The following ZNF609 variants were observed in gnomAD, a reference collection of about 807,000 sequenced individuals.
ZNF609 encodes the protein zinc finger protein 609.
ZNF609 carries 11 observed loss-of-function variants against 109.5 expected under a neutral mutation model. That is an observed-to-expected ratio of 0.10 (90% CI 0.06 to 0.17). ZNF609 has a LOEUF of 0.17. Ranked by LOEUF, ZNF609 falls within the 10% of genes least tolerant of loss-of-function variation. The pLI is 1.00. For missense variants in ZNF609, 1,559 were observed against 1,772.4 expected (o/e 0.88, Z 2.16); for synonymous variants, 646 against 662.0 (o/e 0.98, Z 0.37).
chr15:64,477,587 C>T (rs1893191393), intron 1 of ZNF609, among the ~76,000 whole-genome samples: 1 of 151,120 alleles, frequency 6.6e-6, no homozygotes, highest in Admixed American at 6.6e-5. Context: ...AAATGTATAC[C>T]TAATATGCAA....
intron 2 of ZNF609, among the ~76,000 whole-genome samples, chr15:64,515,631 A>C (rs1207297220): frequency 6.6e-6 from 1 of 151,870 alleles, no homozygotes; most frequent in Non-Finnish European, 1.5e-5. Flanking sequence ...CCATCTAATC[A>C]CCTCCTTAGA....
At chr15:64,483,705 C>T (rs974702244) in intron 1 of ZNF609, among the ~76,000 whole-genome samples, 1 of 152,128 alleles carries the variant, frequency 6.6e-6, no homozygotes, top group African/African-American at 2.4e-5. Flanking sequence ...TGTCTACTGA[C>T]AGCATTACAC....
intron 2 of ZNF609, among the ~76,000 whole-genome samples, chr15:64,546,448 T>C (rs1447946751): frequency 1.3e-5 from 2 of 151,310 alleles, no homozygotes; most frequent in African/African-American, 4.9e-5. Context: ...TTTTTTTTTT[T>C]TGGAGATGGT....
intron 2 of ZNF609, among the ~76,000 whole-genome samples, chr15:64,558,216 C>T (rs1049303810): frequency 6.6e-6 from 1 of 152,118 alleles, no homozygotes; most frequent in Non-Finnish European, 1.5e-5. Context: ...AATTGTAATA[C>T]GTACATTTCT....
rs576692344 is a variant in ZNF609, at chr15:64,630,163, C to T, written c.973+7111C>T. ...CCCGGGGTACAATGGCCTCCACCTACGGGGTTCAAGCGATTCTTCTGCCTC... is the reference window on the plus strand; with the variant it reads ...CCCGGGGTACAATGGCCTCCACCTATGGGGTTCAAGCGATTCTTCTGCCTC... On this transcript the variant is annotated intron_variant, in intron 3 of 9. Coordinates refer to ENST00000326648, the MANE Select transcript of ZNF609 (RefSeq NM_015042.2). Among the ~76,000 whole-genome samples, 23 of 148,442 alleles carry T rather than the reference C, an allele frequency of 1.5e-4. No homozygotes were observed. In the South Asian group the frequency reaches 4.2e-3, roughly 27 times the overall value.
chr15:64,497,548 C>T (rs1252191230), intron 1 of ZNF609, among the ~76,000 whole-genome samples: 1 of 152,112 alleles, frequency 6.6e-6, no homozygotes, highest in Non-Finnish European at 1.5e-5. Flanking sequence ...GTTAGAGATC[C>T]ACTTTGCAGA....
At chr15:64,623,252 C>T (rs1052547826) in intron 3 of ZNF609, among the ~76,000 whole-genome samples, 200 bp downstream of exon 3, 1 of 152,190 alleles carries the variant, frequency 6.6e-6, no homozygotes, top group Non-Finnish European at 1.5e-5. Context: ...TCATAGTATT[C>T]AACAGTGTTG....
chr15:64,597,082 T>C (rs1895409143), intron 2 of ZNF609, among the ~76,000 whole-genome samples: 3 of 152,122 alleles, frequency 2.0e-5, no homozygotes. Flanking sequence ...TTAAAGGGTA[T>C]ATCCAAGAAA....
At chr15:64,667,787 TC>T (rs1235930407) in intron 3 of ZNF609, among the ~76,000 whole-genome samples, 4 of 151,902 alleles carry the variant, frequency 2.6e-5, no homozygotes, top group Non-Finnish European at 5.9e-5. Context: ...CTGGCTGACC[TC>T]CAGATCTGGG....
chr15:64,565,836 C>CTTTAT (rs146293124), intron 2 of ZNF609, among the ~76,000 whole-genome samples: 1,982 of 151,974 alleles, frequency 0.013, 35 homozygotes, highest in African/African-American at 0.045. Context: ...AATTGAAGTA[C>CTTTAT]TTTATTTTAT....
At chr15:64,533,084 T>C (rs1010798084) in intron 2 of ZNF609, among the ~76,000 whole-genome samples, 2 of 151,820 alleles carry the variant, frequency 1.3e-5, no homozygotes, top group African/African-American at 2.4e-5. Flanking sequence ...CAGAGTCTGC[T>C]CTGTCACCAA....
At chr15:64,655,721 A>G (rs1230385819) in intron 3 of ZNF609, among the ~76,000 whole-genome samples, 2 of 151,874 alleles carry the variant, frequency 1.3e-5, no homozygotes, top group African/African-American at 2.4e-5. Flanking sequence ...TCCCAGCTAC[A>G]TGGGAGGCTA....
In ZNF609 at chr15:64,499,741, C is replaced by A; in HGVS notation, c.322C>A (p.Leu108Met). Residue 108 changes from leucine (L) to methionine (M), a missense_variant, in exon 2 of 10, where the codon CTG (leucine) becomes ATG (methionine). This residue lies in a region of ZNF609 where 291 missense variants were observed against 317.8 expected (regional missense o/e 0.92). Transcript: ENST00000326648. Reference protein sequence around the residue: ...DTSKPTPGTSLFTPSEGAASK... With the variant: ...DTSKPTPGTSMFTPSEGAASK... ...TAGCAAACCCACTCCAGGGACTTCC[C>A]TGTTCACTCCAAGTGAGGGGGCAGC... 1 of 1,614,058 alleles carries A rather than the reference C, an allele frequency of 6.2e-7. No homozygotes were observed. The highest frequency in any genetic ancestry group is 8.5e-7 in the Non-Finnish European group (1 of 1,180,024).
intron 2 of ZNF609, among the ~76,000 whole-genome samples, chr15:64,520,697 G>C (rs1893879256): frequency 6.6e-6 from 1 of 152,018 alleles, no homozygotes; most frequent in South Asian, 2.1e-4. Context: ...GGGAGAAAAG[G>C]GTTCACAATA....
intron 2 of ZNF609, among the ~76,000 whole-genome samples, chr15:64,557,304 A>G (rs1413661784): frequency 2.0e-5 from 3 of 152,092 alleles, no homozygotes; most frequent in East Asian, 3.8e-4. Flanking sequence ...AGAACATTGA[A>G]AAATAATCAG....
At chr15:64,461,828 C>CA (rs1892945662) in intron 1 of ZNF609, among the ~76,000 whole-genome samples, 1 of 152,200 alleles carries the variant, frequency 6.6e-6, no homozygotes, top group African/African-American at 2.4e-5. Flanking sequence ...CAAGCCCCTA[C>CA]AGGCCTCCCT....
chr15:64,606,310 G>C (rs1028284959), intron 2 of ZNF609, among the ~76,000 whole-genome samples: 2 of 151,580 alleles, frequency 1.3e-5, no homozygotes, highest in East Asian at 2.0e-4. Context: ...GGTGGCTCAT[G>C]CCTGTAATCT....
chr15:64,535,373 T>C (rs1894124795), intron 2 of ZNF609, among the ~76,000 whole-genome samples: 1 of 152,198 alleles, frequency 6.6e-6, no homozygotes, highest in Admixed American at 6.5e-5. Flanking sequence ...TCGTACCATA[T>C]GTAACCTTCT....
chr15:64,593,358 T>A (rs1895335912), intron 2 of ZNF609: 2 of 1,059,148 alleles, frequency 1.9e-6, no homozygotes, highest in South Asian at 2.5e-5. Flanking sequence ...GAAGACAGGC[T>A]ATTCTCTGGA....
Sources: gnomAD v4.1 joint callset for allele counts (sites outside exome capture counted in the v4.1 genomes callset) on GRCh38, gnomAD v4.1.1 for gene constraint, gnomAD v4.1.1 regional missense constraint, MANE v1.5 for transcripts, NCBI Gene and HGNC (gene_info 2026-07-23, HGNC 2026-07-21) for gene names.